The following CAP2 variants were observed in gnomAD, a reference collection of about 807,000 sequenced individuals.
CAP2 encodes the protein cyclase associated actin cytoskeleton regulatory protein 2, also known as adenylyl cyclase-associated protein 2.
A neutral mutation model predicts 57.7 loss-of-function variants in CAP2; 24 were observed. The ratio of observed to expected loss-of-function variants is 0.42; its 90% CI spans 0.30 to 0.58. The LOEUF (loss-of-function observed/expected upper bound fraction) is 0.58, where lower values mean the gene tolerates loss of function less well. Among genes scored for constraint, CAP2 ranks in the 20% least tolerant of loss-of-function variants. The probability of loss-of-function intolerance (pLI) is 0.22; values close to 1 mark genes in which losing one functional copy is unlikely to be tolerated. For missense variants in CAP2, 501 were observed against 590.3 expected, an observed-to-expected ratio of 0.85 and a Z score of 1.57; for synonymous variants, 194 against 207.2, an observed-to-expected ratio of 0.94 and a Z score of 0.55.
intron 4 of CAP2, among the ~76,000 whole-genome samples, chr6:17,499,030 G>C (rs995816626): frequency 6.6e-6 from 1 of 151,762 alleles, no homozygotes; most frequent in Non-Finnish European, 1.5e-5. Flanking sequence ...CGCCCGGCCA[G>C]CTTGCTTTAA....
At chr6:17,529,651 A>AAAAAAAAAAAT (rs10656588) in intron 7 of CAP2, among the ~76,000 whole-genome samples, 1,775 of 134,248 alleles carry the variant, frequency 0.013, 20 homozygotes, top group South Asian at 0.027. Context: ...AAAAAAAAAA[A>AAAAAAAAAAAT]ATATATATAT....
intron 4 of CAP2, among the ~76,000 whole-genome samples, chr6:17,471,778 C>G (rs1189163953): frequency 1.3e-5 from 2 of 150,880 alleles, no homozygotes; most frequent in Non-Finnish European, 2.9e-5. Context: ...TTGCAGTGAG[C>G]CGAGATTGCG....
intron 3 of CAP2, among the ~76,000 whole-genome samples, chr6:17,458,552 C>T (rs543411828): frequency 2.0e-5 from 3 of 152,210 alleles, no homozygotes; most frequent in South Asian, 2.1e-4. Flanking sequence ...GATGCCAAAA[C>T]GTTAATACGA....
chr6:17,414,441 T>C (rs1389931542), intron 1 of CAP2, among the ~76,000 whole-genome samples: 1 of 152,118 alleles, frequency 6.6e-6, no homozygotes, highest in Non-Finnish European at 1.5e-5. Context: ...TGTGTGTTGT[T>C]TCTCTCTTTG....
intron 6 of CAP2, among the ~76,000 whole-genome samples, chr6:17,512,360 C>T (rs1240233570): frequency 1.3e-5 from 2 of 151,720 alleles, no homozygotes; most frequent in Non-Finnish European, 2.9e-5. Context: ...CTCACCATTG[C>T]ACTCCAGCCT....
At chr6:17,516,904 T>C (rs987019161) in intron 7 of CAP2, among the ~76,000 whole-genome samples, 5 of 152,224 alleles carry the variant, frequency 3.3e-5, no homozygotes, top group Admixed American at 3.3e-4. Context: ...TCCATAGCAC[T>C]GAAATGCACA....
rs1763319913 is a variant in CAP2 at position 17,556,530 on chromosome 6, C to A, written c.*88C>A. The A allele has an allele frequency of 3.3e-6, 3 of 908,888 alleles. No individual in the cohort carries two copies. Among genetic ancestry groups the A allele is most frequent in the Non-Finnish European group, 5.5e-6 (3 of 541,582 alleles). 56.3% of individuals were successfully genotyped at this position (908,888 alleles called of 1,614,324 possible). On this transcript the variant is annotated 3_prime_UTR_variant, in exon 13 of 13. Transcript: ENST00000229922. ...AGTAAAGAGCTAGAAGTTGCAGTAG[C>A]CCCTACTGCTTTAGCTTTGGCCTCC...
At chr6:17,511,872 A>G (rs1043294254) in intron 6 of CAP2, among the ~76,000 whole-genome samples, 3 of 152,190 alleles carry the variant, frequency 2.0e-5, no homozygotes, top group Non-Finnish European at 4.4e-5. Flanking sequence ...TCCAGAGTAT[A>G]TGAAAACTGA....
At chr6:17,530,876 A>G (rs1401011213) in intron 7 of CAP2, 6 of 1,128,604 alleles carry the variant, frequency 5.3e-6, no homozygotes, top group Non-Finnish European at 7.9e-6. Flanking sequence ...GCTTAGAAAA[A>G]TAATCATGGT....
intron 4 of CAP2, among the ~76,000 whole-genome samples, chr6:17,471,970 A>G (rs1311853842): frequency 1.3e-5 from 2 of 152,180 alleles, no homozygotes; most frequent in African/African-American, 4.8e-5. Context: ...CCAGTGACTC[A>G]CTTTATGAGC....
chr6:17,535,052 T>G (rs962452524), intron 7 of CAP2, among the ~76,000 whole-genome samples: 1 of 152,070 alleles, frequency 6.6e-6, no homozygotes, highest in Non-Finnish European at 1.5e-5. Context: ...CAAGACATCT[T>G]ATATTCCCAT....
intron 1 of CAP2, among the ~76,000 whole-genome samples, chr6:17,407,012 G>T (rs1255978900): frequency 6.6e-6 from 1 of 152,186 alleles, no homozygotes; most frequent in Non-Finnish European, 1.5e-5. Flanking sequence ...CTCAATTCAT[G>T]TACTATTGTT....
chr6:17,450,938 G>A (rs561884809), intron 3 of CAP2, among the ~76,000 whole-genome samples: 2 of 152,334 alleles, frequency 1.3e-5, no homozygotes, highest in South Asian at 4.1e-4. Context: ...GAGCAGGCCA[G>A]AGTCTTTAAA....
intron 11 of CAP2, among the ~76,000 whole-genome samples, chr6:17,547,645 T>C (rs943061244): frequency 1.3e-5 from 2 of 151,900 alleles, no homozygotes; most frequent in South Asian, 2.1e-4. Flanking sequence ...ATTGAGACCA[T>C]CCTGGCTAAC....
intron 4 of CAP2, among the ~76,000 whole-genome samples, chr6:17,468,661 C>T (rs1476677534): frequency 6.6e-6 from 1 of 152,200 alleles, no homozygotes; most frequent in African/African-American, 2.4e-5. Context: ...CCAGTTCTTA[C>T]AGCACTTCTT....
Position 17,556,565 on chromosome 6 carries a change from G to A in CAP2, c.*123G>A, listed in dbSNP as rs773752302. 7 of 723,908 alleles carry A rather than the reference G, an allele frequency of 9.7e-6. No homozygotes were observed. The highest frequency in any genetic ancestry group is 1.7e-5 in the African/African-American group (1 of 57,914). The allele number at this position is 723,908 out of a possible 1,614,324, so 44.8% of individuals were successfully genotyped here. A position where few individuals can be genotyped will look rare whatever the true frequency, so the allele number is the denominator to read the frequency against. Reference sequence around the variant, plus strand: ...TTTAGCTTTGGCCTCCAACGATTCTGTGCTATAGATACAGCACTGTTTCTG... The same window carrying A: ...TTTAGCTTTGGCCTCCAACGATTCTATGCTATAGATACAGCACTGTTTCTG... On this transcript the variant is annotated 3_prime_UTR_variant, in exon 13 of 13. Coordinates refer to ENST00000229922, the MANE Select transcript of CAP2 (RefSeq NM_006366.3).
At chr6:17,447,076 G>A (rs1418736099) in intron 3 of CAP2, among the ~76,000 whole-genome samples, 2 of 151,884 alleles carry the variant, frequency 1.3e-5, no homozygotes, top group East Asian at 1.9e-4. Flanking sequence ...AGGCTGGAGT[G>A]TGGTGGCATG....
intron 3 of CAP2, among the ~76,000 whole-genome samples, chr6:17,440,333 T>G (rs1269442072): frequency 6.6e-6 from 1 of 151,622 alleles, no homozygotes; most frequent in Non-Finnish European, 1.5e-5. Flanking sequence ...ATGTGAAAGC[T>G]GCTGATTTCT....
intron 4 of CAP2, among the ~76,000 whole-genome samples, chr6:17,506,349 G>A (rs1761983347): frequency 1.3e-5 from 2 of 151,970 alleles, no homozygotes; most frequent in South Asian, 2.1e-4. Context: ...AATATGATAA[G>A]CCATCACATT....
Sources: gnomAD v4.1 joint callset for allele counts (sites outside exome capture counted in the v4.1 genomes callset) on GRCh38, gnomAD v4.1.1 for gene constraint, MANE v1.5 for transcripts, NCBI Gene and HGNC (gene_info 2026-07-23, HGNC 2026-07-21) for gene names.